The following PICALM variants were observed in gnomAD, a reference collection of about 807,000 sequenced individuals.
PICALM encodes phosphatidylinositol-binding clathrin assembly protein.
A neutral mutation model predicts 80.5 loss-of-function variants in PICALM; 40 were observed. The ratio of observed to expected loss-of-function variants is 0.50; its 90% CI spans 0.39 to 0.65. PICALM has a LOEUF of 0.65. Among genes scored for constraint, PICALM ranks in the 30% least tolerant of loss-of-function variants. The pLI, the probability that PICALM is intolerant of heterozygous loss-of-function variation, is 0.00. For missense variants in PICALM, 676 were observed against 778.9 expected (o/e 0.87, Z 1.57); for synonymous variants, 288 against 260.3 (o/e 1.11, Z -1.02).
At chr11:86,049,092 A>G (rs1234055463) in intron 1 of PICALM, among the ~76,000 whole-genome samples, 1 of 152,178 alleles carries the variant, frequency 6.6e-6, no homozygotes, top group Admixed American at 6.5e-5. Flanking sequence ...TAGGAGTTCC[A>G]GACCAGCCTG....
intron 1 of PICALM, among the ~76,000 whole-genome samples, chr11:86,064,654 A>T (rs1486409066): frequency 2.7e-5 from 4 of 150,926 alleles, no homozygotes; most frequent in African/African-American, 4.8e-5. Context: ...CTCATTTTAA[A>T]AAAAAAAAAA....
chr11:85,994,058 T>A (rs1472659740), intron 12 of PICALM, among the ~76,000 whole-genome samples: 1 of 152,216 alleles, frequency 6.6e-6, no homozygotes, highest in Non-Finnish European at 1.5e-5. Context: ...TTGTGTTTCA[T>A]GCCAGCTAAA....
intron 13 of PICALM, among the ~76,000 whole-genome samples, chr11:85,985,970 T>C (rs186951610): frequency 3.9e-5 from 6 of 152,294 alleles, no homozygotes; most frequent in African/African-American, 1.4e-4. Context: ...CATTACTTTC[T>C]GTAAAAAGAG....
chr11:86,043,679 G>C (rs17817919), intron 1 of PICALM, among the ~76,000 whole-genome samples: 24,768 of 152,116 alleles, frequency 0.16, 2,565 homozygotes, highest in Middle Eastern at 0.24. Flanking sequence ...ATTTGTAAGT[G>C]AAACAAAGGC....
At chr11:85,972,303 G>A (rs568709228) in intron 19 of PICALM, among the ~76,000 whole-genome samples, 85 of 152,276 alleles carry the variant, frequency 5.6e-4, no homozygotes, top group Middle Eastern at 6.8e-3. Flanking sequence ...CACTGCTGAC[G>A]AAAGAAGATG....
chr11:85,996,384 C>G (rs1297132171), intron 12 of PICALM, among the ~76,000 whole-genome samples: 1 of 151,898 alleles, frequency 6.6e-6, no homozygotes, highest in Non-Finnish European at 1.5e-5. Flanking sequence ...ATTATGGTCA[C>G]AACATGTTCC....
chr11:85,982,422 A>ATTTTTTTT (rs1446437172), intron 14 of PICALM, among the ~76,000 whole-genome samples: 1 of 29,768 alleles, frequency 3.4e-5, no homozygotes, highest in Non-Finnish European at 6.4e-5. Context: ...GATTTTATAG[A>ATTTTTTTT]CTTTTTTTTT....
chr11:86,008,932 A>C (rs1268963757), intron 7 of PICALM, among the ~76,000 whole-genome samples: 1 of 138,156 alleles, frequency 7.2e-6, no homozygotes, highest in African/African-American at 2.7e-5. Flanking sequence ...GTTCTCCAGA[A>C]AAAGGAAAAA....
rs893594334 is a variant in PICALM, at chr11:85,957,868, A to G, written c.*1178T>C. The G allele has an allele frequency of 8.9e-5, 20 of 224,484 alleles. No homozygotes were observed. Among genetic ancestry groups the G allele is most frequent in the Non-Finnish European group, 1.4e-4 (16 of 112,350 alleles). 13.9% of individuals were successfully genotyped at this position (224,484 alleles called of 1,614,324 possible). ...CTCTCCACCCAAATGTTAAAGATGT[A>G]TTTACACAAAGCACCGATCAACAGT... On this transcript the variant is annotated 3_prime_UTR_variant, in exon 20 of 20. Coordinates refer to ENST00000393346, the MANE Select transcript of PICALM (RefSeq NM_007166.4).
chr11:86,047,764 A>G (rs569951770), intron 1 of PICALM, among the ~76,000 whole-genome samples: 42 of 152,302 alleles, frequency 2.8e-4, no homozygotes, highest in Admixed American at 8.5e-4. Flanking sequence ...TTAAGTCTAT[A>G]AGCCCAAGGA....
intron 1 of PICALM, among the ~76,000 whole-genome samples, chr11:86,042,018 A>G (rs745606560): frequency 2.0e-5 from 3 of 152,198 alleles, no homozygotes; most frequent in Non-Finnish European, 4.4e-5. Flanking sequence ...TTAATATAAG[A>G]AAGTGTAAAC....
chr11:86,035,932 A>G (rs536278930), intron 1 of PICALM, among the ~76,000 whole-genome samples: 39 of 144,602 alleles, frequency 2.7e-4, no homozygotes, highest in African/African-American at 1.0e-3. Context: ...TGGCCTACAG[A>G]GCGAGACTCT....
chr11:85,987,580 A>T (rs1270655651), intron 13 of PICALM, among the ~76,000 whole-genome samples: 2 of 152,250 alleles, frequency 1.3e-5, no homozygotes, highest in Non-Finnish European at 2.9e-5. Flanking sequence ...ACTACATAAT[A>T]ATTTAGGTGA....
chr11:85,977,952 G>C, intron 17 of PICALM: 1 of 771,810 alleles, frequency 1.3e-6, no homozygotes, highest in East Asian at 2.6e-5. Flanking sequence ...AGAATTTCTG[G>C]CACATTGAAA....
chr11:86,001,186 G>C (rs111363979), intron 9 of PICALM, 28 bp from the exon 10 acceptor site: 3 of 1,608,654 alleles, frequency 1.9e-6, no homozygotes, highest in Non-Finnish European at 2.5e-6. Flanking sequence ...AGATAATTTG[G>C]CTTTTTGCTA....
intron 7 of PICALM, among the ~76,000 whole-genome samples, chr11:86,008,403 C>T (rs754926948): frequency 1.3e-5 from 2 of 151,980 alleles, no homozygotes; most frequent in Non-Finnish European, 2.9e-5. Context: ...GGGCGGATCA[C>T]GAGGTCAGGA....
At chr11:85,980,799 T>C (rs184053067) in intron 17 of PICALM, among the ~76,000 whole-genome samples, 29 of 152,330 alleles carry the variant, frequency 1.9e-4, no homozygotes, top group Non-Finnish European at 3.5e-4. Context: ...CCTGAGCACA[T>C]TGCTTAATAA....
intron 1 of PICALM, among the ~76,000 whole-genome samples, chr11:86,066,222 T>TA (rs2096446111): frequency 6.6e-6 from 1 of 152,180 alleles, no homozygotes; most frequent in African/African-American, 2.4e-5. Context: ...AGTAAACCAC[T>TA]CACTGGTCAG....
intron 19 of PICALM, among the ~76,000 whole-genome samples, chr11:85,963,646 C>T (rs550217779): frequency 2.2e-4 from 34 of 152,122 alleles, no homozygotes; most frequent in Non-Finnish European, 4.6e-4. Flanking sequence ...TCTTAAATTC[C>T]TTCTCCCCTC....
Sources: allele counts gnomAD v4.1 joint callset (sites outside exome capture counted in the v4.1 genomes callset), GRCh38; gene constraint gnomAD v4.1.1; transcripts MANE v1.5; gene names NCBI Gene and HGNC (gene_info 2026-07-23, HGNC 2026-07-21).